The following RNF38 variants were observed in gnomAD, a reference collection of about 807,000 sequenced individuals.
The protein encoded by RNF38 is ring finger protein 38, also known as E3 ubiquitin-protein ligase RNF38.
RNF38 carries 15 observed loss-of-function variants against 67.2 expected under a neutral mutation model. The observed-to-expected ratio is 0.22, with a 90% CI of 0.15 to 0.34. RNF38 has a LOEUF of 0.34. Among genes scored for constraint, RNF38 ranks in the 10% least tolerant of loss-of-function variants. The pLI, the probability that RNF38 is intolerant of heterozygous loss-of-function variation, is 1.00. For missense variants in RNF38, 524 were observed against 639.9 expected (o/e 0.82, Z 1.95); for synonymous variants, 220 against 218.8 (o/e 1.01, Z -0.05).
chr9:36,386,938 G>C (rs1007247871), intron 2 of RNF38, among the ~76,000 whole-genome samples: 10 of 152,178 alleles, frequency 6.6e-5, no homozygotes, highest in Admixed American at 5.2e-4. Context: ...GAGTAGCTGG[G>C]ACCACAGGTG....
intron 1 of RNF38, among the ~76,000 whole-genome samples, chr9:36,487,111 C>A (rs1214310914): frequency 6.6e-6 from 1 of 152,204 alleles, no homozygotes. Flanking sequence ...GGCTACCCAC[C>A]GGGTGGGAAA....
chr9:36,428,695 T>C (rs1248092261), intron 1 of RNF38, among the ~76,000 whole-genome samples: 1 of 152,158 alleles, frequency 6.6e-6, no homozygotes, highest in Non-Finnish European at 1.5e-5. Flanking sequence ...AAGGGGCATA[T>C]GACAACTGAA....
At chr9:36,395,309 T>A (rs1226538896) in intron 1 of RNF38, among the ~76,000 whole-genome samples, 4 of 151,806 alleles carry the variant, frequency 2.6e-5, no homozygotes, top group African/African-American at 9.7e-5. Context: ...GACAACAGCA[T>A]CCTTCTTCGT....
At chr9:36,356,845 T>C (rs1035754269) in intron 5 of RNF38, among the ~76,000 whole-genome samples, 13 of 152,266 alleles carry the variant, frequency 8.5e-5, no homozygotes, top group Admixed American at 2.0e-4. Flanking sequence ...AACTCCCCTT[T>C]TCAATCCTGT....
At chr9:36,360,434 T>C (rs908613747) in intron 4 of RNF38, among the ~76,000 whole-genome samples, 6 of 152,214 alleles carry the variant, frequency 3.9e-5, no homozygotes, top group Non-Finnish European at 8.8e-5. Flanking sequence ...CTGAAATGCA[T>C]GGGACCAGAA....
At chr9:36,426,232 C>G (rs1027898202) in intron 1 of RNF38, among the ~76,000 whole-genome samples, 2 of 151,910 alleles carry the variant, frequency 1.3e-5, no homozygotes, top group Non-Finnish European at 2.9e-5. Flanking sequence ...TTAAAGTATA[C>G]AATTCAATTT....
At chr9:36,385,536 A>G (rs139939617) in intron 2 of RNF38, among the ~76,000 whole-genome samples, 1 of 151,768 alleles carries the variant, frequency 6.6e-6, no homozygotes, top group African/African-American at 2.4e-5. Flanking sequence ...GTGCCACCAC[A>G]TCCGGATAAT....
intron 10 of RNF38, among the ~76,000 whole-genome samples, chr9:36,344,394 A>G (rs1198185389): frequency 6.6e-6 from 1 of 152,212 alleles, no homozygotes; most frequent in Non-Finnish European, 1.5e-5. Flanking sequence ...AAGATCCCAT[A>G]TTAAGCAGAA....
At chr9:36,465,537 GT>G (rs1230111107) in intron 1 of RNF38, among the ~76,000 whole-genome samples, 1 of 152,028 alleles carries the variant, frequency 6.6e-6, no homozygotes, top group Non-Finnish European at 1.5e-5. Flanking sequence ...TAGAGACAGG[GT>G]TTCTCCATGT....
At chr9:36,487,401 G>C in exon 1 of RNF38, 1 of 982,184 alleles carries the variant, frequency 1.0e-6, no homozygotes, top group African/African-American at 1.8e-5. Context: ...GTGGCGGCGG[G>C]CTCCGGCCGG....
chr9:36,349,568 T>G (rs757788652), intron 9 of RNF38, among the ~76,000 whole-genome samples: 22 of 152,222 alleles, frequency 1.4e-4, no homozygotes, highest in Non-Finnish European at 3.1e-4. Context: ...TCCCAACCTG[T>G]AGTCTGCCTT....
In RNF38 at chr9:36,353,297, A is replaced by G; in HGVS notation, c.944T>C (p.Leu315Ser). Residue 315 changes from leucine to serine, a missense_variant, in exon 7 of 12, where the codon TTA becomes TCA. Leu to Ser is a moderately radical substitution (Grantham distance 145, BLOSUM62 -2). Transcript: ENST00000259605. ...LQRIENEVEL[L>S]GEHLPVGGFT... ...ACCTCCTACTGGAAGATGTTCTCCT[A>G]AGAGTTCCACTTCATTTTCTATCCT... 6.2e-7 allele frequency: 1 copy of G among 1,612,298 alleles called. No homozygotes were observed. The highest frequency in any genetic ancestry group is 1.1e-5 in the South Asian group (1 of 90,770).
intron 1 of RNF38, among the ~76,000 whole-genome samples, chr9:36,471,858 T>TCC (rs1840006380): frequency 6.6e-6 from 1 of 152,150 alleles, no homozygotes; most frequent in Non-Finnish European, 1.5e-5. Context: ...GCCTCCCAAG[T>TCC]AGCTGGGATT....
At chr9:36,395,764 C>T (rs1235025479) in intron 1 of RNF38, among the ~76,000 whole-genome samples, 1 of 152,106 alleles carries the variant, frequency 6.6e-6, no homozygotes, top group East Asian at 1.9e-4. Flanking sequence ...CACCACAGCA[C>T]AATAATAGCG....
chr9:36,375,611 G>GCAT (rs1274345138), intron 3 of RNF38, among the ~76,000 whole-genome samples: 1 of 152,190 alleles, frequency 6.6e-6, no homozygotes, highest in East Asian at 1.9e-4. Context: ...TATCCTTACA[G>GCAT]TTATGAACTA....
chr9:36,440,649 T>C (rs1452039153), intron 1 of RNF38, among the ~76,000 whole-genome samples: 1 of 152,212 alleles, frequency 6.6e-6, no homozygotes, highest in Admixed American at 6.5e-5. Context: ...AAGGCCCTGT[T>C]ATCTAAACAT....
At chr9:36,460,885 C>CAAAAAAAAA (rs752827635) in intron 1 of RNF38, among the ~76,000 whole-genome samples, 9 of 52,886 alleles carry the variant, frequency 1.7e-4, no homozygotes, top group African/African-American at 3.3e-4. Flanking sequence ...GAAACTCTCT[C>CAAAAAAAAA]AAAAAAAAAA....
rs545470051 is a variant in RNF38 at position 36,369,971 on chromosome 9, G to C, written c.357-39C>G. On this transcript the variant is annotated intron_variant, in intron 3 of 11. Transcript: ENST00000259605. ...CAAAAAGAAAGTCATTATGCTTATTGTGATCCATCAGGATTCTGTATTGTC... is the reference window on the plus strand; with the variant it reads ...CAAAAAGAAAGTCATTATGCTTATTCTGATCCATCAGGATTCTGTATTGTC... 31 of 1,521,642 alleles carry C rather than the reference G, an allele frequency of 2.0e-5. No homozygotes were observed. In the South Asian group the frequency reaches 2.7e-4, roughly 13 times the overall value. 94.3% of individuals were successfully genotyped at this position (1,521,642 alleles called of 1,614,324 possible).
chr9:36,339,565 A>G lies in RNF38; in HGVS notation c.*187T>C. 1.8e-6 allele frequency: 1 copy of G among 541,910 alleles called. No individual in the cohort carries two copies. Among genetic ancestry groups the G allele is most frequent in the African/African-American group, 1.9e-5 (1 of 53,400 alleles). The allele number at this position is 541,910 out of a possible 1,614,324, so 33.6% of individuals were successfully genotyped here. ...GAGTTCCAATCACACGGTTAGTATA[A>G]CAATCCCATAACTGTGAAGACTAAT... On this transcript the variant is annotated 3_prime_UTR_variant, in exon 12 of 12. Transcript: ENST00000259605.
Sources: gnomAD v4.1 joint callset for allele counts (sites outside exome capture counted in the v4.1 genomes callset) on GRCh38, gnomAD v4.1.1 for gene constraint, MANE v1.5 for transcripts, NCBI Gene and HGNC (gene_info 2026-07-23, HGNC 2026-07-21) for gene names.